The following ABCA13 variants were observed in gnomAD, a reference collection of about 807,000 sequenced individuals.
ABCA13 encodes ATP-binding cassette sub-family A member 13.
In ABCA13, 476 loss-of-function variants were observed where a neutral mutation model predicts 478.7. The observed-to-expected ratio is 0.99, with a 90% CI of 0.92 to 1.07. The LOEUF is 1.07. Among genes scored for constraint, ABCA13 ranks in the 50% least tolerant of loss-of-function variants. The pLI is 0.00. For synonymous variants in ABCA13, 2,252 were observed against 2,158.9 expected, an observed-to-expected ratio of 1.04 and a Z score of -1.20; for missense variants, 6,060 against 5,910.6, an observed-to-expected ratio of 1.03 and a Z score of -0.83.
At chr7:48,542,528 T>C (rs1016424771) in intron 55 of ABCA13, among the ~76,000 whole-genome samples, 6 of 151,502 alleles carry the variant, frequency 4.0e-5, no homozygotes, top group Non-Finnish European at 1.5e-5. Flanking sequence ...TCAACTGAAG[T>C]GGCCAGAAAA....
At chr7:48,171,907 CTGCATTTAA>C (rs1421492833) in intron 1 of ABCA13, among the ~76,000 whole-genome samples, 1 of 152,236 alleles carries the variant, frequency 6.6e-6, no homozygotes. Context: ...AAAGCATTTG[CTGCATTTAA>C]TGCATAAGCA....
At chr7:48,260,061 T>C (rs944261993) in intron 15 of ABCA13, among the ~76,000 whole-genome samples, 2 of 152,132 alleles carry the variant, frequency 1.3e-5, no homozygotes, top group African/African-American at 4.8e-5. Flanking sequence ...GTTTCAACTT[T>C]CTCCTATATC....
intron 38 of ABCA13, among the ~76,000 whole-genome samples, chr7:48,400,000 C>T (rs889053074): frequency 6.6e-6 from 1 of 151,826 alleles, no homozygotes; most frequent in African/African-American, 2.4e-5. Context: ...TTGTTCCTTG[C>T]ATATGCTATT....
At chr7:48,550,507 C>G (rs1346794614) in intron 55 of ABCA13, among the ~76,000 whole-genome samples, 4 of 151,740 alleles carry the variant, frequency 2.6e-5, no homozygotes, top group Non-Finnish European at 5.9e-5. Context: ...ATCCGCCCCC[C>G]CTCAGCCTCC....
rs1827481884 is a variant in ABCA13 at position 48,471,428 on chromosome 7, A to G, written c.12906-102A>G. ...GCCTTCTCGGCAGTGGGAGATGATT[A>G]TCTTGTGAACTCTGTTCTAGTCTGA... On this transcript the variant is annotated intron_variant, in intron 44 of 61. Transcript: ENST00000435803. 3.8e-6 allele frequency: 4 copies of G among 1,052,254 alleles called. No individual in the cohort carries two copies. The South Asian group carries it at 5.8e-5, about 15-fold the overall frequency. The allele number at this position is 1,052,254 out of a possible 1,614,324, so 65.2% of individuals were successfully genotyped here. A position where few individuals can be genotyped will look rare whatever the true frequency, so the allele number is the denominator to read the frequency against.
intron 20 of ABCA13, among the ~76,000 whole-genome samples, chr7:48,288,299 C>T (rs561566991): frequency 6.6e-6 from 1 of 152,162 alleles, no homozygotes; most frequent in East Asian, 1.9e-4. Flanking sequence ...GTTGAGAGAT[C>T]GGATTGTTAA....
intron 23 of ABCA13, among the ~76,000 whole-genome samples, chr7:48,303,040 T>A (rs1383941629): frequency 6.6e-6 from 1 of 152,192 alleles, no homozygotes; most frequent in Non-Finnish European, 1.5e-5. Flanking sequence ...CTAATTGGTG[T>A]GAGATGGCAT....
chr7:48,481,228 G>A (rs1828727892), intron 46 of ABCA13, 74 bp downstream of exon 46: 1 of 1,293,298 alleles, frequency 7.7e-7, no homozygotes, highest in Non-Finnish European at 1.1e-6. Context: ...AAATGCTAAT[G>A]TTCTTAAAAA....
chr7:48,428,388 G>A (rs1477674489), intron 42 of ABCA13, among the ~76,000 whole-genome samples: 1 of 152,022 alleles, frequency 6.6e-6, no homozygotes, highest in East Asian at 1.9e-4. Context: ...ATCCAGATTT[G>A]GTATCTAGGT....
intron 55 of ABCA13, among the ~76,000 whole-genome samples, chr7:48,571,831 A>G (rs546618795): frequency 1.4e-4 from 22 of 152,288 alleles, no homozygotes; most frequent in African/African-American, 5.3e-4. Flanking sequence ...AAGAGGTGGT[A>G]ATGGGGACCT....
At chr7:48,185,607 T>G (rs1328772553) in intron 1 of ABCA13, among the ~76,000 whole-genome samples, 2 of 152,212 alleles carry the variant, frequency 1.3e-5, no homozygotes, top group Non-Finnish European at 2.9e-5. Context: ...CTTTTTGCTG[T>G]CTTTCAATAA....
At position 48,338,386 on chromosome 7, in the gene ABCA13, G is replaced by T. The variant is rs747137651; in HGVS notation, c.10135G>T (p.Val3379Leu). 3.1e-6 allele frequency: 5 copies of T among 1,599,060 alleles called. No individual in the cohort carries two copies. The South Asian group carries it at 3.4e-5, about 11-fold the overall frequency. ...QLQEALRNKF[V>L]RNFVENQLHI... is the part of the protein sequence containing the mutation. ...TTAGGAGGCCCTGAGAAACAAATTT[G>T]TAAGAAACTTTGTAGAAAACCAGTT... is the stretch of plus-strand genomic sequence containing the variant. The change falls in exon 29 of 62, where the codon GTA becomes TTA. Residue 3379 changes from valine to leucine, a missense_variant. Val to Leu is a conservative substitution (Grantham distance 32). Around this residue, in one of 3 missense-constraint regions of ABCA13, gnomAD observed 4,423 missense variants for 4,309.1 expected, o/e 1.03. Transcript: ENST00000435803.
intron 48 of ABCA13, among the ~76,000 whole-genome samples, chr7:48,505,775 G>C (rs6945654): frequency 0.49 from 73,866 of 152,116 alleles, 20,398 homozygotes; most frequent in African/African-American, 0.76. Flanking sequence ...ATAATAAAAT[G>C]CTTTTAATTG....
intron 7 of ABCA13, among the ~76,000 whole-genome samples, chr7:48,233,280 T>G (rs1250776037): frequency 6.6e-6 from 1 of 152,200 alleles, no homozygotes; most frequent in East Asian, 1.9e-4. Flanking sequence ...CAATGGGTGT[T>G]GAATCATCAT....
intron 27 of ABCA13, among the ~76,000 whole-genome samples, chr7:48,327,856 T>G (rs1182748600): frequency 6.6e-6 from 1 of 152,224 alleles, no homozygotes; most frequent in South Asian, 2.1e-4. Context: ...CCTGACTGCC[T>G]TCACCTTTGG....
chr7:48,376,840 T>C lies in ABCA13; in HGVS notation c.11335+268T>C, dbSNP rs187847907. 1.2e-4 allele frequency among the ~76,000 whole-genome samples: 18 copies of C among 151,954 alleles called. No individual in the cohort carries two copies. The East Asian group carries it at 3.5e-3, about 30-fold the overall frequency. On this transcript the variant is annotated intron_variant, in intron 35 of 61. Coordinates refer to ENST00000435803, the MANE Select transcript of ABCA13 (RefSeq NM_152701.5). Reference sequence around the variant, plus strand: ...GGCCCACCAAGCAGCTCCCCAAAAGTGGGCTTCAGTCTACACAGAAAATAT... The same window carrying C: ...GGCCCACCAAGCAGCTCCCCAAAAGCGGGCTTCAGTCTACACAGAAAATAT...
At chr7:48,177,564 G>A (rs923249352) in intron 1 of ABCA13, among the ~76,000 whole-genome samples, 4 of 152,194 alleles carry the variant, frequency 2.6e-5, no homozygotes, top group African/African-American at 9.7e-5. Flanking sequence ...GAGGCGAGAG[G>A]GTTCTCAGGT....
intron 3 of ABCA13, among the ~76,000 whole-genome samples, chr7:48,211,565 G>T (rs1401756670): frequency 6.6e-6 from 1 of 152,140 alleles, no homozygotes; most frequent in South Asian, 2.1e-4. Flanking sequence ...CACACCTGAA[G>T]CTCATGTTCT....
chr7:48,246,109 G>T (rs1791632297), intron 13 of ABCA13, 79 bp downstream of exon 13: 3 of 1,453,402 alleles, frequency 2.1e-6, no homozygotes, highest in Admixed American at 2.2e-5. Context: ...TATTTAACCT[G>T]GAGTTTCGAT....
Sources: gnomAD v4.1 joint callset for allele counts (sites outside exome capture counted in the v4.1 genomes callset) on GRCh38, gnomAD v4.1.1 for gene constraint, gnomAD v4.1.1 regional missense constraint, MANE v1.5 for transcripts, NCBI Gene and HGNC (gene_info 2026-07-23, HGNC 2026-07-21) for gene names.